Variants in KCTD20 observed in about 807,000 individuals in gnomAD.
The protein encoded by KCTD20 is BTB/POZ domain-containing protein KCTD20.
In KCTD20, 30 loss-of-function variants were observed where a neutral mutation model predicts 39.6. The ratio of observed to expected loss-of-function variants is 0.76; its 90% CI spans 0.57 to 1.03. The LOEUF (loss-of-function observed/expected upper bound fraction) is 1.03. Among genes scored for constraint, KCTD20 ranks in the 50% least tolerant of loss-of-function variants. The pLI is 0.00. For missense variants in KCTD20, 422 were observed against 522.0 expected (o/e 0.81, Z 1.87); for synonymous variants, 162 against 180.6 (o/e 0.90, Z 0.83).
intron 1 of KCTD20, among the ~76,000 whole-genome samples, chr6:36,453,648 G>A (rs1376953458): frequency 6.6e-6 from 1 of 151,680 alleles, no homozygotes; most frequent in Non-Finnish European, 1.5e-5. Flanking sequence ...CCCAGTAGCT[G>A]GGATTACAGG....
intron 1 of KCTD20, among the ~76,000 whole-genome samples, chr6:36,467,344 TTTTTTTTTTTTTG>T (rs1775787884): frequency 2.6e-5 from 2 of 76,618 alleles, no homozygotes; most frequent in Non-Finnish European, 5.4e-5. Flanking sequence ...TTTTTTTTTT[TTTTTTTTTTTTTG>T]AGACGGAGTT....
At chr6:36,477,849 T>A (rs1251562616) in intron 3 of KCTD20, among the ~76,000 whole-genome samples, 1 of 142,486 alleles carries the variant, frequency 7.0e-6, no homozygotes, top group Non-Finnish European at 1.5e-5. Flanking sequence ...CTCACGCCTG[T>A]AATCCCAGCA....
intron 1 of KCTD20, among the ~76,000 whole-genome samples, chr6:36,459,551 T>G (rs573239634): frequency 1.3e-5 from 2 of 152,248 alleles, no homozygotes; most frequent in Non-Finnish European, 1.5e-5. Context: ...TTATCTACAT[T>G]GGCCTAATTT....
At chr6:36,457,559 A>T (rs1027451809) in intron 1 of KCTD20, among the ~76,000 whole-genome samples, 3 of 152,134 alleles carry the variant, frequency 2.0e-5, no homozygotes, top group Non-Finnish European at 4.4e-5. Context: ...AAATAGAATT[A>T]AAAAATTAGC....
chr6:36,463,226 C>G (rs1041671013), intron 1 of KCTD20, among the ~76,000 whole-genome samples: 3 of 152,074 alleles, frequency 2.0e-5, no homozygotes, highest in African/African-American at 7.2e-5. Flanking sequence ...CCTGGAATGC[C>G]CTTTTTCCCT....
At chr6:36,456,292 T>C (rs1252177319) in intron 1 of KCTD20, among the ~76,000 whole-genome samples, 3 of 152,130 alleles carry the variant, frequency 2.0e-5, no homozygotes, top group African/African-American at 7.2e-5. Context: ...AATTAGCTTT[T>C]TTTTGAGACG....
intron 1 of KCTD20, among the ~76,000 whole-genome samples, chr6:36,466,592 G>C (rs1775761722): frequency 6.6e-6 from 1 of 151,872 alleles, no homozygotes; most frequent in African/African-American, 2.4e-5. Context: ...ATATTACCCA[G>C]GCTGGTCTTG....
At chr6:36,456,622 C>G (rs1226433998) in intron 1 of KCTD20, among the ~76,000 whole-genome samples, 2 of 136,014 alleles carry the variant, frequency 1.5e-5, no homozygotes, top group Non-Finnish European at 3.1e-5. Context: ...GGATCTTGCT[C>G]TGTTATCCAC....
intron 1 of KCTD20, among the ~76,000 whole-genome samples, chr6:36,463,802 C>T (rs1328159025): frequency 6.6e-6 from 1 of 152,078 alleles, no homozygotes; most frequent in Non-Finnish European, 1.5e-5. Flanking sequence ...TTATGAATTA[C>T]CCAGTCTCAG....
intron 1 of KCTD20, among the ~76,000 whole-genome samples, chr6:36,454,641 C>CTT (rs937567626): frequency 7.0e-6 from 1 of 143,182 alleles, no homozygotes. Context: ...TGTGCCCAGC[C>CTT]TTTTTTTTTT....
Position 36,458,126 on chromosome 6 carries a change from C to T in KCTD20, c.-46-11926C>T, listed in dbSNP as rs372617754. Among the ~76,000 whole-genome samples the T allele has an allele frequency of 3.7e-4, 57 of 152,242 alleles. No homozygotes were observed. In the East Asian group the frequency reaches 6.0e-3, roughly 16 times the overall value. On this transcript the variant is annotated intron_variant, in intron 1 of 7. Transcript: ENST00000373731. The stretch of plus-strand genomic sequence containing the variant: ...GGAAGGCAGTAGCATGATCATGGCT[C>T]ACTGCAGTCTCAACCTTCTGGACTC...
At chr6:36,474,056 ATTTTGTTTTGTTTTGT>A (rs1292315225) in intron 2 of KCTD20, among the ~76,000 whole-genome samples, 8 of 152,036 alleles carry the variant, frequency 5.3e-5, no homozygotes, top group African/African-American at 1.5e-4. Context: ...GAAAAATAAA[ATTTTGTTTTGTTTTGT>A]TTTTGTTTTG....
intron 2 of KCTD20, 118 bp from the exon 3 acceptor site, chr6:36,474,671 G>A (rs1366916799): frequency 1.1e-6 from 1 of 912,672 alleles, no homozygotes; most frequent in Non-Finnish European, 1.6e-6. Context: ...TTTTGCCTGT[G>A]AACATCTAAA....
chr6:36,481,051 A>T (rs1776230736), intron 5 of KCTD20, among the ~76,000 whole-genome samples: 1 of 152,228 alleles, frequency 6.6e-6, no homozygotes, highest in Non-Finnish European at 1.5e-5. Context: ...CTGAAATTAT[A>T]TAAATAACTA....
intron 1 of KCTD20, among the ~76,000 whole-genome samples, chr6:36,450,487 C>CA (rs56825740): frequency 0.27 from 32,706 of 122,146 alleles, 3,887 homozygotes; most frequent in East Asian, 0.42. Flanking sequence ...GACTCTGTCT[C>CA]AAAAAAAAAA....
At chr6:36,459,677 A>G (rs1179126585) in intron 1 of KCTD20, among the ~76,000 whole-genome samples, 2 of 152,080 alleles carry the variant, frequency 1.3e-5, no homozygotes, top group Non-Finnish European at 2.9e-5. Context: ...TGAATTTTCT[A>G]CATGTTAGCT....
At position 36,484,697 on chromosome 6, in the gene KCTD20, T is replaced by C. The variant is rs1306141615; in HGVS notation, c.857-17T>C. The stretch of plus-strand genomic sequence containing the variant: ...GGTCTTTACTCCATGGCTAACCCTA[T>C]ATTTTTTCTTTTTCAGTTCTTTATA... On this transcript the variant is annotated splice_polypyrimidine_tract_variant and intron_variant, in intron 6 of 7. Transcript: ENST00000373731. 5.7e-6 allele frequency: 7 copies of C among 1,238,892 alleles called. No individual in the cohort carries two copies. Among genetic ancestry groups the C allele is most frequent in the Non-Finnish European group, 8.2e-6 (7 of 855,694 alleles). The allele number at this position is 1,238,892 out of a possible 1,614,324, so 76.7% of individuals were successfully genotyped here.
chr6:36,454,912 T>C (rs1196976830), intron 1 of KCTD20, among the ~76,000 whole-genome samples: 1 of 151,604 alleles, frequency 6.6e-6, no homozygotes. Context: ...CCTCCCAAAG[T>C]GCTAGGATTA....
At chr6:36,461,743 C>T (rs1024180534) in intron 1 of KCTD20, among the ~76,000 whole-genome samples, 4 of 152,180 alleles carry the variant, frequency 2.6e-5, no homozygotes, top group South Asian at 2.1e-4. Context: ...TTGACAAAAA[C>T]GTACTAAGGG....
Sources: allele counts gnomAD v4.1 joint callset (sites outside exome capture counted in the v4.1 genomes callset), GRCh38; gene constraint gnomAD v4.1.1; transcripts MANE v1.5; gene names NCBI Gene and HGNC (gene_info 2026-07-23, HGNC 2026-07-21).